Variants in NALCN observed in about 807,000 individuals in gnomAD.
NALCN encodes sodium leak channel NALCN.
In NALCN, 111 loss-of-function variants were observed where a neutral mutation model predicts 225.3. The ratio of observed to expected loss-of-function variants is 0.49; its 90% CI spans 0.42 to 0.58. The LOEUF is 0.58. Among genes scored for constraint, NALCN ranks in the 20% least tolerant of loss-of-function variants. The pLI, the probability that NALCN is intolerant of heterozygous loss-of-function variation, is 0.00. For missense variants in NALCN, 1,378 were observed against 2,202.4 expected (o/e 0.63, Z 7.49); for synonymous variants, 764 against 769.0 (o/e 0.99, Z 0.11).
chr13:101,208,736 A>C (rs1320776442), intron 13 of NALCN, among the ~76,000 whole-genome samples: 2 of 152,070 alleles, frequency 1.3e-5, no homozygotes, highest in East Asian at 3.9e-4. Context: ...AATTCACAGG[A>C]GATCTGGTTG....
At chr13:101,164,001 GTGTGTC>G (rs879393051) in intron 15 of NALCN, among the ~76,000 whole-genome samples, 13 of 152,096 alleles carry the variant, frequency 8.5e-5, no homozygotes, top group Non-Finnish European at 7.4e-5. Context: ...TGCTCTCTCT[GTGTGTC>G]TGTGTCTGTG....
intron 11 of NALCN, among the ~76,000 whole-genome samples, chr13:101,249,888 C>T (rs1181082860): frequency 1.3e-5 from 2 of 151,860 alleles, no homozygotes; most frequent in Admixed American, 6.6e-5. Flanking sequence ...GAGACCCACA[C>T]CCGGATAATA....
intron 25 of NALCN, 138 bp from the exon 26 acceptor site, chr13:101,103,477 A>T: frequency 9.7e-7 from 1 of 1,033,698 alleles, no homozygotes. Context: ...GTTAACTTTA[A>T]ACAACAAACC....
chr13:101,349,827 C>T (rs1304073839), intron 6 of NALCN, among the ~76,000 whole-genome samples: 2 of 152,128 alleles, frequency 1.3e-5, no homozygotes, highest in Non-Finnish European at 2.9e-5. Context: ...TATTAGATTT[C>T]TCCACTTGGC....
chr13:101,144,998 G>A (rs961984001), intron 15 of NALCN, 102 bp from the exon 16 acceptor site: 2 of 1,310,668 alleles, frequency 1.5e-6, no homozygotes, highest in African/African-American at 1.5e-5. Context: ...GTAATTACAT[G>A]AAATGCCAGT....
chr13:101,279,381 G>A (rs372383738), intron 10 of NALCN, among the ~76,000 whole-genome samples: 8 of 152,250 alleles, frequency 5.3e-5, no homozygotes, highest in Admixed American at 2.6e-4. Context: ...GAGAAGAATC[G>A]ACTCAACATT....
intron 17 of NALCN, among the ~76,000 whole-genome samples, chr13:101,133,570 G>A (rs1227655646): frequency 6.6e-6 from 1 of 152,146 alleles, no homozygotes; most frequent in African/African-American, 2.4e-5. Flanking sequence ...TGCATGGGTC[G>A]AAGGTGGTAT....
chr13:101,347,158 C>T (rs2045766833), intron 6 of NALCN, among the ~76,000 whole-genome samples: 3 of 151,996 alleles, frequency 2.0e-5, no homozygotes, highest in Admixed American at 2.0e-4. Context: ...CACACACACA[C>T]ACACACACCC....
Position 101,301,994 on chromosome 13 carries a change from T to G in NALCN, c.800-9628A>C, listed in dbSNP as rs574846153. 2.9e-4 allele frequency among the ~76,000 whole-genome samples: 44 copies of G among 152,314 alleles called. No homozygotes were observed. In the South Asian group the frequency reaches 8.7e-3, roughly 30 times the overall value. On this transcript the variant is annotated intron_variant, in intron 7 of 43. Transcript: ENST00000251127. ...TATGTCATACCAGAAATATGTTTCC[T>G]CTGAGGGTCTTTTAGTTTTGTCACC...
intron 17 of NALCN, chr13:101,142,788 T>A (rs995252114): frequency 7.6e-6 from 3 of 394,560 alleles, no homozygotes; most frequent in Non-Finnish European, 1.4e-5. Flanking sequence ...GCCTTGGAGA[T>A]CCCAGCCCTT....
At chr13:101,272,420 A>G (rs566349591) in intron 10 of NALCN, among the ~76,000 whole-genome samples, 113 of 152,362 alleles carry the variant, frequency 7.4e-4, no homozygotes, top group Non-Finnish European at 1.4e-3. Flanking sequence ...ATGTACAATC[A>G]CGTATAATTC....
chr13:101,332,570 T>C (rs1487020183), intron 7 of NALCN, among the ~76,000 whole-genome samples: 1 of 152,014 alleles, frequency 6.6e-6, no homozygotes, highest in Non-Finnish European at 1.5e-5. Flanking sequence ...TAAGACAAAT[T>C]AAAGCCATTT....
In NALCN at chr13:101,095,440, C is replaced by T. The variant is rs535651072; in HGVS notation, c.3269+134G>A. On this transcript the variant is annotated intron_variant, in intron 28 of 43. Transcript: ENST00000251127. ...TATCTTCCAATATAATCTAGCGCTTCGCCCTGTATGACTTAAGATCATTTT... is the reference window on the plus strand; with the variant it reads ...TATCTTCCAATATAATCTAGCGCTTTGCCCTGTATGACTTAAGATCATTTT... 170 of 660,358 alleles carry T rather than the reference C, an allele frequency of 2.6e-4. No homozygotes were observed. In the East Asian group the frequency reaches 3.4e-3, roughly 13 times the overall value. The allele number at this position is 660,358 out of a possible 1,614,324, so 40.9% of individuals were successfully genotyped here. A position where few individuals can be genotyped will look rare whatever the true frequency, so the allele number is the denominator to read the frequency against.
Position 101,292,097 on chromosome 13 carries a change from G to GA in NALCN, c.943-4dup, listed in dbSNP as rs2043576897. The GA allele has an allele frequency of 2.5e-6, 4 of 1,613,750 alleles. No homozygotes were observed. Among genetic ancestry groups the GA allele is most frequent in the East Asian group, 4.5e-5 (2 of 44,868 alleles). On this transcript the variant is annotated splice_polypyrimidine_tract_variant and splice_region_variant and intron_variant, in intron 8 of 43. Coordinates refer to ENST00000251127, the MANE Select transcript of NALCN (RefSeq NM_052867.4). The surrounding 1 kb of genome is among the most constrained non-coding windows in gnomAD (Gnocchi z 4.3). ...ATGATAACAGCAATAAACACGTTCT[G>GA]AAAAAAATCACAAACCACATTTACC...
rs759744296 is a variant in NALCN, at chr13:101,395,166, G to C, written c.291+17C>G. On this transcript the variant is annotated intron_variant, in intron 3 of 43. Transcript: ENST00000251127. ...ACACATTTAGGTTCTTAGTTTAAATGACATGGAAGTGCTCACCTTGACAAT... is the reference window on the plus strand; with the variant it reads ...ACACATTTAGGTTCTTAGTTTAAATCACATGGAAGTGCTCACCTTGACAAT... The C allele has an allele frequency of 3.7e-6, 6 of 1,601,164 alleles. No homozygotes were observed. In the Admixed American group the frequency reaches 6.9e-5, roughly 18 times the overall value.
chr13:101,197,674 C>G (rs72652943), intron 13 of NALCN, among the ~76,000 whole-genome samples: 1 of 152,116 alleles, frequency 6.6e-6, no homozygotes, highest in Non-Finnish European at 1.5e-5. Context: ...TGAGAATGGT[C>G]CAGTTTGCTA....
chr13:101,337,316 A>ATTTTTTTTTTTT (rs1298172260), intron 7 of NALCN, among the ~76,000 whole-genome samples: 1 of 147,896 alleles, frequency 6.8e-6, no homozygotes, highest in African/African-American at 2.6e-5. Context: ...TTATTTATTT[A>ATTTTTTTTTTTT]TTTATTTTTT....
At chr13:101,183,847 C>T (rs1470462094) in intron 14 of NALCN, among the ~76,000 whole-genome samples, 3 of 151,904 alleles carry the variant, frequency 2.0e-5, no homozygotes, top group African/African-American at 7.3e-5. Context: ...CTAATGACAC[C>T]ACCTTTCATC....
chr13:101,331,694 TGGTCCCA>T (rs2139236697), intron 7 of NALCN, among the ~76,000 whole-genome samples: 1 of 152,220 alleles, frequency 6.6e-6, no homozygotes, highest in South Asian at 2.1e-4. Flanking sequence ...CACAAAAAAC[TGGTCCCA>T]GGCATCCGGG....
Sources: gnomAD v4.1 joint callset for allele counts (sites outside exome capture counted in the v4.1 genomes callset) on GRCh38, gnomAD v4.1.1 for gene constraint, Gnocchi (gnomAD v3.1) non-coding constraint, MANE v1.5 for transcripts, NCBI Gene and HGNC (gene_info 2026-07-23, HGNC 2026-07-21) for gene names.